Variants in USP8 observed in about 807,000 individuals in gnomAD.
The protein encoded by USP8 is ubiquitin specific peptidase 8, also known as ubiquitin carboxyl-terminal hydrolase 8.
USP8 carries 27 observed loss-of-function variants against 130.0 expected under a neutral mutation model. The observed-to-expected ratio is 0.21, with a 90% CI of 0.15 to 0.29. The LOEUF (loss-of-function observed/expected upper bound fraction) is 0.29. Ranked by LOEUF, USP8 falls within the 10% of genes least tolerant of loss-of-function variation. The pLI is 1.00. For missense variants in USP8, 1,029 were observed against 1,312.2 expected (o/e 0.78, Z 3.33); for synonymous variants, 392 against 444.1 (o/e 0.88, Z 1.48).
At chr15:50,498,529 G>GTTAA (rs968502033) in intron 18 of USP8, 67 bp from the exon 19 acceptor site, 1 of 1,479,294 alleles carries the variant, frequency 6.8e-7, no homozygotes, top group African/African-American at 1.4e-5. Context: ...AAATCTAGAT[G>GTTAA]TTAATGAATG....
chr15:50,463,419 G>A (rs1008533502), intron 6 of USP8: 1 of 152,232 alleles, frequency 6.6e-6, no homozygotes, highest in African/African-American at 2.4e-5. Flanking sequence ...GATCTCGGGA[G>A]CGAAGCAGGG....
intron 12 of USP8, among the ~76,000 whole-genome samples, chr15:50,487,065 A>G (rs2051988611): frequency 6.6e-6 from 1 of 151,862 alleles, no homozygotes; most frequent in Admixed American, 6.6e-5. Context: ...CAGAGGTTGC[A>G]GTGAGCCTAG....
intron 1 of USP8, among the ~76,000 whole-genome samples, chr15:50,437,888 A>G (rs2050136435): frequency 6.6e-6 from 1 of 152,234 alleles, no homozygotes; most frequent in Non-Finnish European, 1.5e-5. Context: ...AAATGTTTGT[A>G]TATTAGATCG....
At chr15:50,487,007 C>T (rs2051985962) in intron 12 of USP8, among the ~76,000 whole-genome samples, 1 of 151,836 alleles carries the variant, frequency 6.6e-6, no homozygotes, top group South Asian at 2.1e-4. Flanking sequence ...GCCTGTAGTC[C>T]CAGCTACTTG....
intron 2 of USP8, 96 bp from the exon 3 acceptor site, chr15:50,441,253 G>A: frequency 8.2e-7 from 1 of 1,223,084 alleles, no homozygotes; most frequent in Non-Finnish European, 1.1e-6. Context: ...TGGGGTTGGG[G>A]ATCCCTGATA....
chr15:50,443,164 G>T (rs1488840897), intron 3 of USP8, among the ~76,000 whole-genome samples: 1 of 151,954 alleles, frequency 6.6e-6, no homozygotes, highest in Non-Finnish European at 1.5e-5. Flanking sequence ...TCAGCCTCCT[G>T]AGTAGGTGGG....
chr15:50,476,770 C>G (rs2051580168), intron 8 of USP8, 79 bp from the exon 9 acceptor site: 2 of 1,429,566 alleles, frequency 1.4e-6, no homozygotes, highest in Admixed American at 2.8e-5. Context: ...AAGGGAACAA[C>G]TTTAAAATTT....
In USP8 at chr15:50,495,894, A is replaced by G. The variant is rs759355507; in HGVS notation, c.2705A>G (p.Asp902Gly). 4 of 1,613,796 alleles carry G rather than the reference A, an allele frequency of 2.5e-6. No homozygotes were observed. The highest frequency in any genetic ancestry group is 2.7e-5 in the African/African-American group (2 of 74,918). ...RYKEENNDHLDDFKAAEHAWQ... is the reference protein window; with the variant it reads ...RYKEENNDHLGDFKAAEHAWQ... ...AAAGAAGAAAATAATGATCATCTCGATGACTTTAAAGCTGCAGAACATGCC... is the reference window on the plus strand; with the variant it reads ...AAAGAAGAAAATAATGATCATCTCGGTGACTTTAAAGCTGCAGAACATGCC... The change falls in exon 17 of 20, where the codon GAT becomes GGT. Residue 902 changes from aspartate to glycine, a missense_variant. Physicochemically the swap from Asp to Gly is moderately conservative, Grantham distance 94. Transcript: ENST00000307179.
chr15:50,465,090 A>G lies in USP8; in HGVS notation c.585A>G (p.Lys195=), dbSNP rs766162242. 5 of 1,614,164 alleles carry G rather than the reference A, an allele frequency of 3.1e-6. No individual in the cohort carries two copies. The highest frequency in any genetic ancestry group is 4.2e-6 in the Non-Finnish European group (5 of 1,180,022). Residue 195 remains lysine, a synonymous_variant, in exon 7 of 20, where the codon AAA becomes AAG. Coordinates refer to ENST00000307179, the MANE Select transcript of USP8 (RefSeq NM_005154.5). The stretch of plus-strand genomic sequence containing the variant: ...AACTATACACAATGATGACGGATAA[A>G]AACATCAGCTTGATTATAATGGATG... The part of the protein sequence containing the change: ...AKELYTMMTD[K]NISLIIMDAR...
rs143735676 is a variant in USP8, at chr15:50,513,725, A to G, written c.*14637A>G. ...TTAAACCACAATGCCATTCTACTAT[A>G]TGGGCAACCAGAAGGGCCAAAACAA... is the stretch of plus-strand genomic sequence containing the variant. On this transcript the variant is annotated 3_prime_UTR_variant, in exon 20 of 20. Coordinates refer to ENST00000307179, the MANE Select transcript of USP8 (RefSeq NM_005154.5). 6.6e-6 allele frequency: 1 copy of G among 152,096 alleles called. No homozygotes were observed. The highest frequency in any genetic ancestry group is 1.5e-5 in the Non-Finnish European group (1 of 68,006). The allele number at this position is 152,096 out of a possible 1,614,324, so 9.4% of individuals were successfully genotyped here. A position where few individuals can be genotyped will look rare whatever the true frequency, so the allele number is the denominator to read the frequency against.
At chr15:50,475,234 T>A (rs2051522967) in intron 8 of USP8, among the ~76,000 whole-genome samples, 1 of 152,126 alleles carries the variant, frequency 6.6e-6, no homozygotes, top group Admixed American at 6.6e-5. Context: ...CACTGTTTAC[T>A]AAAAAAATTG....
intron 1 of USP8, among the ~76,000 whole-genome samples, chr15:50,434,172 C>T (rs1015068201): frequency 6.6e-6 from 1 of 151,302 alleles, no homozygotes; most frequent in Non-Finnish European, 1.5e-5. Context: ...GCCCAGACTC[C>T]GCTCACTGCA....
In USP8 at chr15:50,481,975, G is replaced by T. The variant is rs762449215; in HGVS notation, c.1713G>T (p.Arg571Ser). The T allele has an allele frequency of 1.1e-5, 17 of 1,599,262 alleles. No homozygotes were observed. The highest frequency in any genetic ancestry group is 1.4e-5 in the Non-Finnish European group (16 of 1,176,124). ...ATGCCAAGAAATCTGTAGAAGATAG[G>T]GGGAAAAGGTGTCCAACCCCAGAAA... ...TSDAKKSVED[R>S]GKRCPTPEIQ... The change falls in exon 11 of 20, where the codon AGG becomes AGT. Residue 571 changes from arginine (R) to serine (S), a missense_variant. Arg to Ser is a moderately radical substitution (Grantham distance 110, BLOSUM62 -1). Around this residue, in one of 4 missense-constraint regions of USP8, gnomAD observed 486 missense variants for 522.0 expected, o/e 0.93. Transcript: ENST00000307179.
At chr15:50,429,573 T>C (rs1367339435) in intron 1 of USP8, among the ~76,000 whole-genome samples, 1 of 152,154 alleles carries the variant, frequency 6.6e-6, no homozygotes, top group African/African-American at 2.4e-5. Flanking sequence ...GGTTGGCTCA[T>C]GCCTGTAATC....
intron 10 of USP8, among the ~76,000 whole-genome samples, chr15:50,480,301 A>C (rs2051718802): frequency 6.6e-6 from 1 of 152,162 alleles, no homozygotes; most frequent in African/African-American, 2.4e-5. Context: ...ACTAGTTAGT[A>C]TTTTACCTCA....
chr15:50,453,063 T>C (rs374874871), intron 4 of USP8, among the ~76,000 whole-genome samples: 8 of 152,184 alleles, frequency 5.3e-5, no homozygotes, highest in East Asian at 1.9e-4. Flanking sequence ...TAGGAATACA[T>C]GCTTGCTATT....
At chr15:50,454,862 C>T (rs1269801484) in intron 4 of USP8, among the ~76,000 whole-genome samples, 1 of 152,066 alleles carries the variant, frequency 6.6e-6, no homozygotes, top group Non-Finnish European at 1.5e-5. Flanking sequence ...CTCACTGCAT[C>T]CTCAAACTCC....
At chr15:50,441,615 T>A (rs2050263359) in intron 3 of USP8, 122 bp downstream of exon 3, 1 of 791,280 alleles carries the variant, frequency 1.3e-6, no homozygotes, top group African/African-American at 1.8e-5. Context: ...CATGATCTCA[T>A]GTAGATAGAA....
At chr15:50,493,167 G>T in intron 15 of USP8, 1 of 567,156 alleles carries the variant, frequency 1.8e-6, no homozygotes, top group South Asian at 1.5e-5. Context: ...TCGTCCTGTC[G>T]AGCCCTAAAC....
Sources: allele counts gnomAD v4.1 joint callset (sites outside exome capture counted in the v4.1 genomes callset), GRCh38; gene constraint gnomAD v4.1.1; regional missense constraint gnomAD v4.1.1; transcripts MANE v1.5; gene names NCBI Gene and HGNC (gene_info 2026-07-23, HGNC 2026-07-21).